The following SPATA3 variants were observed in gnomAD, a reference collection of about 807,000 sequenced individuals.
SPATA3 encodes spermatogenesis associated 3.
SPATA3 carries 6 observed loss-of-function variants against 5.7 expected under a neutral mutation model. That is an observed-to-expected ratio of 1.06 (90% CI 0.58 to 2.09). SPATA3 has a LOEUF of 2.09. Ranked by LOEUF, SPATA3 falls within the 30% of genes most tolerant of loss-of-function variation. SPATA3 has a pLI of 0.00. For synonymous variants in SPATA3, 44 were observed against 48.4 expected (o/e 0.91, Z 0.37); for missense variants, 155 against 130.4 (o/e 1.19, Z -0.92).
At chr2:231,018,221 A>G (rs1181935443) in intron 6 of SPATA3, among the ~76,000 whole-genome samples, 2 of 152,178 alleles carry the variant, frequency 1.3e-5, no homozygotes, top group African/African-American at 2.4e-5. Context: ...CACCGCACCC[A>G]TCATGACGGA....
intron 1 of SPATA3, chr2:230,996,235 TGAA>T: frequency 6.5e-7 from 1 of 1,549,872 alleles, no homozygotes; most frequent in South Asian, 1.2e-5. Context: ...GGATCTACCA[TGAA>T]GAAGGTCAAG....
downstream of SPATA3, chr2:231,007,387 G>T (rs1039474451): frequency 6.6e-6 from 1 of 152,228 alleles, no homozygotes; most frequent in Non-Finnish European, 1.5e-5. Flanking sequence ...TGGGCCACAG[G>T]TCAAGCAGAA....
downstream of SPATA3, among the ~76,000 whole-genome samples, chr2:231,008,322 A>G (rs1692694326): frequency 6.6e-6 from 1 of 152,214 alleles, no homozygotes; most frequent in Non-Finnish European, 1.5e-5. Flanking sequence ...GTCAGCCCGC[A>G]TGCACTGGAA....
intron 1 of SPATA3, among the ~76,000 whole-genome samples, chr2:230,998,241 A>G (rs1388763094): frequency 6.6e-6 from 1 of 152,234 alleles, no homozygotes; most frequent in Non-Finnish European, 1.5e-5. Context: ...AGTGCTAAAT[A>G]TAAGGCATGC....
chr2:231,000,387 C>G (rs1368903461), exon 2 of SPATA3: 2 of 1,523,800 alleles, frequency 1.3e-6, no homozygotes, highest in Non-Finnish European at 8.9e-7. Context: ...CGCGCCGGCC[C>G]GCATTCCTGC....
downstream of SPATA3, among the ~76,000 whole-genome samples, chr2:231,007,757 C>T (rs1212706732): frequency 6.6e-6 from 1 of 152,188 alleles, no homozygotes; most frequent in African/African-American, 2.4e-5. Context: ...CCAGCCAGTG[C>T]CTGGTGCGAT....
At chr2:231,019,518 G>T (rs1252889375) in intron 6 of SPATA3, among the ~76,000 whole-genome samples, 2 of 149,452 alleles carry the variant, frequency 1.3e-5, no homozygotes, top group East Asian at 4.2e-4. Flanking sequence ...TAGAGATGGG[G>T]TTTCACCGTG....
At chr2:231,001,968 C>T (rs1692368867) in intron 2 of SPATA3, among the ~76,000 whole-genome samples, 1 of 152,166 alleles carries the variant, frequency 6.6e-6, no homozygotes, top group Non-Finnish European at 1.5e-5. Flanking sequence ...TCCTCTCTGG[C>T]TTAAGATGAA....
intron 6 of SPATA3, among the ~76,000 whole-genome samples, chr2:231,016,064 T>C (rs745902): frequency 0.39 from 59,314 of 151,370 alleles, 12,413 homozygotes; most frequent in African/African-American, 0.53. Flanking sequence ...CTGTGCCCCA[T>C]CCCCACCTTG....
downstream of SPATA3, among the ~76,000 whole-genome samples, chr2:231,010,469 T>A (rs1692752398): frequency 1.3e-5 from 2 of 152,210 alleles, no homozygotes; most frequent in Admixed American, 1.3e-4. Context: ...GCAAACAAGG[T>A]AGGTCAGATC....
chr2:231,019,348 G>A (rs2125129097), intron 6 of SPATA3, among the ~76,000 whole-genome samples: 1 of 145,708 alleles, frequency 6.9e-6, no homozygotes, highest in South Asian at 2.2e-4. Flanking sequence ...TTTTGAGACA[G>A]AGTCTTGCAC....
At chr2:231,005,864 T>A (rs1320873990), downstream of SPATA3, among the ~76,000 whole-genome samples, 1 of 152,130 alleles carries the variant, frequency 6.6e-6, no homozygotes, top group South Asian at 2.1e-4. Flanking sequence ...TATTTTTCTT[T>A]AAATTTGCTT....
At chr2:231,013,261 C>T (rs1692837253) in intron 5 of SPATA3, among the ~76,000 whole-genome samples, 1 of 152,128 alleles carries the variant, frequency 6.6e-6, no homozygotes, top group African/African-American at 2.4e-5. Flanking sequence ...CGCATAGACA[C>T]ATGATTTTGC....
At chr2:231,018,851 A>T (rs572637686) in intron 6 of SPATA3, among the ~76,000 whole-genome samples, 1 of 151,452 alleles carries the variant, frequency 6.6e-6, no homozygotes, top group African/African-American at 2.4e-5. Context: ...CACCCAGCTA[A>T]TTTTTTGTAT....
chr2:231,010,805 C>T (rs536509698), downstream of SPATA3, among the ~76,000 whole-genome samples: 7 of 151,894 alleles, frequency 4.6e-5, no homozygotes, highest in South Asian at 2.1e-4. Flanking sequence ...CAGTGGCTCA[C>T]GCCTGTAATC....
At chr2:230,996,121 AGCTGGAGGCC>A in intron 1 of SPATA3, 1 of 1,157,828 alleles carries the variant, frequency 8.6e-7, no homozygotes. Flanking sequence ...GCCTGGGTCC[AGCTGGAGGCC>A]CAAGCCAGGC....
chr2:231,004,825 T>C (rs1033328512), downstream of SPATA3, among the ~76,000 whole-genome samples: 8 of 152,068 alleles, frequency 5.3e-5, no homozygotes, highest in South Asian at 2.1e-4. Flanking sequence ...ACAGATCTCA[T>C]TGGATTGTTG....
chr2:231,005,382 C>CCAT, downstream of SPATA3, among the ~76,000 whole-genome samples: 1 of 91,202 alleles, frequency 1.1e-5, no homozygotes, highest in Non-Finnish European at 2.3e-5. Flanking sequence ...ACCACCATCA[C>CCAT]CACCACCATC....
chr2:231,018,800 T>C lies in SPATA3; in HGVS notation c.*566-920T>C, dbSNP rs182992832. Among the ~76,000 whole-genome samples the C allele has an allele frequency of 1.5e-3, 233 of 151,718 alleles. 1 individual carries two copies. Among genetic ancestry groups the C allele is most frequent in the African/African-American group, 5.1e-3 (210 of 41,316 alleles). On this transcript the variant is annotated intron_variant, in intron 6 of 8. Coordinates refer to the SPATA3 transcript ENST00000452881. Reference sequence around the variant, plus strand: ...TCCCAGGTTCAAGCATTCTCCTGCCTCAGCCTCCCAAGTAGCTGGGATTAC... The same window carrying C: ...TCCCAGGTTCAAGCATTCTCCTGCCCCAGCCTCCCAAGTAGCTGGGATTAC...
Sources: gnomAD v4.1 joint callset for allele counts (sites outside exome capture counted in the v4.1 genomes callset) on GRCh38, gnomAD v4.1.1 for gene constraint, MANE v1.5 for transcripts, NCBI Gene and HGNC (gene_info 2026-07-23, HGNC 2026-07-21) for gene names.